Variants in PXN observed in about 807,000 individuals in gnomAD.
PXN encodes paxillin, also known as testicular tissue protein Li 134.
PXN carries 61 observed loss-of-function variants against 103.6 expected under a neutral mutation model. The ratio of observed to expected loss-of-function variants is 0.59; its 90% confidence interval spans 0.48 to 0.73. The LOEUF is 0.73. Among genes scored for constraint, PXN ranks in the 30% least tolerant of loss-of-function variants. The pLI, the probability that PXN is intolerant of heterozygous loss-of-function variation, is 0.00. For missense variants in PXN, 1,274 were observed against 1,460.3 expected, an observed-to-expected ratio of 0.87 and a Z score of 2.08; for synonymous variants, 562 against 607.8, an observed-to-expected ratio of 0.92 and a Z score of 1.11.
chr12:120,221,860 C>T lies in PXN; in HGVS notation c.696-102G>A, dbSNP rs967217613. ...CTCGGACACTGGGGTCTCACCATCC[C>T]CAACCCCAGGGAGGTCCACCAGCTC... On this transcript the variant is annotated intron_variant, in intron 5 of 14. Coordinates refer to ENST00000637617, the MANE Select transcript of PXN (RefSeq NM_001385981.1). This position sits in a 1 kb window ranked among gnomAD's most constrained non-coding sequence, Gnocchi z 6.6. 1.4e-6 allele frequency: 2 copies of T among 1,449,064 alleles called. No individual in the cohort carries two copies. Among genetic ancestry groups the T allele is most frequent in the African/African-American group, 2.8e-5 (2 of 71,206 alleles). The allele number at this position is 1,449,064 out of a possible 1,614,324, so 89.8% of individuals were successfully genotyped here. A position where few individuals can be genotyped will look rare whatever the true frequency, so the allele number is the denominator to read the frequency against.
At position 120,212,377 on chromosome 12, in the gene PXN, G is replaced by GC. The variant is rs1250028254; in HGVS notation, c.3182dup (p.Thr1062HisfsTer41). 1 of 1,613,900 alleles carries GC rather than the reference G, an allele frequency of 6.2e-7. No homozygotes were observed. Among genetic ancestry groups the GC allele is most frequent in the Admixed American group, 1.7e-5 (1 of 60,008 alleles). Reference sequence around the variant, plus strand: ...GCTTGTCGTTCTGCTCCTTGAAGGTGCCCTTGTTGAGCTGCTTGAGGCAGA... The same window carrying GC: ...GCTTGTCGTTCTGCTCCTTGAAGGTGCCCCTTGTTGAGCTGCTTGAGGCAGA... On this transcript the variant is annotated frameshift_variant, in exon 15 of 15. Coordinates refer to ENST00000637617, the MANE Select transcript of PXN (RefSeq NM_001385981.1). LOFTEE classifies it high-confidence loss of function. The surrounding 1 kb of genome is among the most constrained non-coding windows in gnomAD (Gnocchi z 7.2).
At chr12:120,255,141 A>T (rs1305435589) in intron 1 of PXN, among the ~76,000 whole-genome samples, 2 of 152,216 alleles carry the variant, frequency 1.3e-5, no homozygotes, top group Admixed American at 1.3e-4. Flanking sequence ...ACCAGCACAC[A>T]GGTTATAAAA....
intron 1 of PXN, among the ~76,000 whole-genome samples, chr12:120,250,931 C>T (rs919921256): frequency 2.0e-5 from 3 of 152,204 alleles, no homozygotes; most frequent in African/African-American, 7.2e-5. Context: ...GGGCCAGGTG[C>T]AATGGCTCAC....
chr12:120,261,211 T>C (rs991794183), intron 1 of PXN, among the ~76,000 whole-genome samples: 1 of 152,258 alleles, frequency 6.6e-6, no homozygotes, highest in Middle Eastern at 3.4e-3. Flanking sequence ...CTGTAAACAC[T>C]GTAAAAAAGA....
At chr12:120,250,416 T>C (rs1218188967) in intron 1 of PXN, among the ~76,000 whole-genome samples, 1 of 151,648 alleles carries the variant, frequency 6.6e-6, no homozygotes, top group African/African-American at 2.4e-5. Flanking sequence ...GAAAACCAAC[T>C]CTCCTTTTTT....
chr12:120,253,340 G>GCA (rs1170482152), intron 1 of PXN, among the ~76,000 whole-genome samples: 1 of 152,094 alleles, frequency 6.6e-6, no homozygotes, highest in Middle Eastern at 3.2e-3. Flanking sequence ...AGGCATGATG[G>GCA]CACACGCCTG....
rs1457316151 is a variant in PXN, at chr12:120,222,277, A to G, written c.695+272T>C. ...GCTGACAGTAACTGTCAGAGCCAAGATGTGAACCCCACTGTGTGGCCCCAA... is the reference window on the plus strand; with the variant it reads ...GCTGACAGTAACTGTCAGAGCCAAGGTGTGAACCCCACTGTGTGGCCCCAA... On this transcript the variant is annotated intron_variant, in intron 5 of 14. Transcript: ENST00000637617. This position sits in a 1 kb window ranked among gnomAD's most constrained non-coding sequence, Gnocchi z 4.7. 6.6e-6 allele frequency among the ~76,000 whole-genome samples: 1 copy of G among 152,238 alleles called. No homozygotes were observed. The highest frequency in any genetic ancestry group is 1.5e-5 in the Non-Finnish European group (1 of 68,030).
Position 120,211,345 on chromosome 12 carries a change from A to T in PXN, c.*969T>A, listed in dbSNP as rs895389704. ...ATAAAACAGTCCTGGTGAGCTATGAAGTGAAAGAGGGGGAGTCACAGAGCT... is the reference window on the plus strand; with the variant it reads ...ATAAAACAGTCCTGGTGAGCTATGATGTGAAAGAGGGGGAGTCACAGAGCT... On this transcript the variant is annotated 3_prime_UTR_variant, in exon 15 of 15. Transcript: ENST00000637617. 1 of 153,914 alleles carries T rather than the reference A, an allele frequency of 6.5e-6. No individual in the cohort carries two copies. The highest frequency in any genetic ancestry group is 2.4e-5 in the African/African-American group (1 of 41,458). The allele number at this position is 153,914 out of a possible 1,614,324, so 9.5% of individuals were successfully genotyped here. A position where few individuals can be genotyped will look rare whatever the true frequency, so the allele number is the denominator to read the frequency against.
intron 1 of PXN, among the ~76,000 whole-genome samples, chr12:120,255,495 A>T (rs538073065): frequency 6.6e-6 from 1 of 152,268 alleles, no homozygotes; most frequent in East Asian, 1.9e-4. Flanking sequence ...AGAGTTCAAG[A>T]CCAGCCTGGC....
chr12:120,242,954 G>C (rs1216587307), intron 1 of PXN, among the ~76,000 whole-genome samples: 1 of 151,354 alleles, frequency 6.6e-6, no homozygotes, highest in Non-Finnish European at 1.5e-5. Context: ...CTCAGCTATC[G>C]TAGCAAGGTC....
At chr12:120,251,803 C>A (rs1021408953) in intron 1 of PXN, among the ~76,000 whole-genome samples, 9 of 152,024 alleles carry the variant, frequency 5.9e-5, no homozygotes, top group African/African-American at 2.2e-4. Context: ...GGCAACAGAG[C>A]GAGACTTGGT....
At position 120,213,720 on chromosome 12, in the gene PXN, C is replaced by T. The variant is rs992007867; in HGVS notation, c.2979+122G>A. On this transcript the variant is annotated intron_variant, in intron 14 of 14. Coordinates refer to ENST00000637617, the MANE Select transcript of PXN (RefSeq NM_001385981.1). The surrounding 1 kb of genome is among the most constrained non-coding windows in gnomAD (Gnocchi z 4.2). ...CTGGAGGAAGGAGATCCCCTGCCTG[C>T]TCCCCCAATTAATAACCCCAAATGA... 8 of 1,347,252 alleles carry T rather than the reference C, an allele frequency of 5.9e-6. No homozygotes were observed. The highest frequency in any genetic ancestry group is 1.5e-5 in the African/African-American group (1 of 68,776). 83.5% of individuals were successfully genotyped at this position (1,347,252 alleles called of 1,614,324 possible). A position where few individuals can be genotyped will look rare whatever the true frequency, so the allele number is the denominator to read the frequency against.
chr12:120,215,756 G>T lies in PXN; in HGVS notation c.2302-95C>A. ...ACTGGACTAAAAGGGAATCTAGGAT[G>T]AGATCTGAGGGTTTCTCCCCCACCG... On this transcript the variant is annotated intron_variant, in intron 9 of 14. Transcript: ENST00000637617. This position sits in a 1 kb window ranked among gnomAD's most constrained non-coding sequence, Gnocchi z 4.9. 7.3e-7 allele frequency: 1 copy of T among 1,370,868 alleles called. No individual in the cohort carries two copies. The highest frequency in any genetic ancestry group is 9.6e-7 in the Non-Finnish European group (1 of 1,036,624). 84.9% of individuals were successfully genotyped at this position (1,370,868 alleles called of 1,614,324 possible). A position where few individuals can be genotyped will look rare whatever the true frequency, so the allele number is the denominator to read the frequency against.
intron 1 of PXN, among the ~76,000 whole-genome samples, chr12:120,238,946 C>T (rs886735400): frequency 3.3e-5 from 5 of 152,314 alleles, no homozygotes; most frequent in South Asian, 4.1e-4. Context: ...TGCTTCTGCC[C>T]CCTAACTACT....
rs1881114956 is a variant in PXN, at chr12:120,213,409, A to C, written c.2979+433T>G. On this transcript the variant is annotated intron_variant, in intron 14 of 14. Transcript: ENST00000637617. This position sits in a 1 kb window ranked among gnomAD's most constrained non-coding sequence, Gnocchi z 4.2. ...AAAGAAAAGAAAAGAAAAGGCTCTG[A>C]GAAGTCCTGCAGGGAACAGTGTTTC... 6.6e-6 allele frequency among the ~76,000 whole-genome samples: 1 copy of C among 152,242 alleles called. No individual in the cohort carries two copies. The highest frequency in any genetic ancestry group is 2.4e-5 in the African/African-American group (1 of 41,460).
Position 120,217,056 on chromosome 12 carries a change from G to A in PXN, c.1777C>T (p.Pro593Ser). 1 of 1,591,652 alleles carries A rather than the reference G, an allele frequency of 6.3e-7. No homozygotes were observed. The highest frequency in any genetic ancestry group is 1.1e-5 in the South Asian group (1 of 89,422). Reference protein sequence around the residue: ...SGHAHPMSREPSPRRRLDPAT... With the variant: ...SGHAHPMSRESSPRRRLDPAT... Reference sequence around the variant, plus strand: ...GGGTCCAGCCGGCGGCGAGGGGAGGGCTCCCGGGACATGGGGTGTGCGTGG... The same window carrying A: ...GGGTCCAGCCGGCGGCGAGGGGAGGACTCCCGGGACATGGGGTGTGCGTGG... Residue 593 changes from proline (P) to serine (S), a missense_variant, in exon 8 of 15, where the codon CCC becomes TCC. Physicochemically the swap from Pro to Ser is moderately conservative, Grantham distance 74. This residue lies in a region of PXN where 1,178 missense variants were observed against 1,309.0 expected (regional missense o/e 0.90). Transcript: ENST00000637617. The surrounding 1 kb of genome is among the most constrained non-coding windows in gnomAD (Gnocchi z 4.1).
In PXN at chr12:120,219,592, A is replaced by C. The variant is rs1249950798; in HGVS notation, c.1331T>G (p.Phe444Cys). ...TWEQPWASEV[F>C]GPERMPPSGA... ...AGAGGGGGGCATTCTCTCAGGCCCG[A>C]ATACCTCCGAAGCCCATGGCTGCTC... Residue 444 changes from phenylalanine to cysteine, a missense_variant, in exon 7 of 15, where the codon TTC becomes TGC. Physicochemically the swap from Phe to Cys is radical, Grantham distance 205. Transcript: ENST00000637617. The surrounding 1 kb of genome is among the most constrained non-coding windows in gnomAD (Gnocchi z 6.5). 2 of 1,565,664 alleles carry C rather than the reference A, an allele frequency of 1.3e-6. No homozygotes were observed. Among genetic ancestry groups the C allele is most frequent in the Non-Finnish European group, 1.7e-6 (2 of 1,163,236 alleles).
intron 1 of PXN, among the ~76,000 whole-genome samples, chr12:120,254,464 T>C (rs1232174131): frequency 6.6e-6 from 1 of 152,254 alleles, no homozygotes; most frequent in African/African-American, 2.4e-5. Context: ...TGCTTCACTT[T>C]AGCAACCACC....
chr12:120,237,343 G>T (rs1158217949), intron 1 of PXN, among the ~76,000 whole-genome samples: 1 of 152,046 alleles, frequency 6.6e-6, no homozygotes, highest in Middle Eastern at 3.2e-3. Context: ...ATTTTTAGTA[G>T]AGATAGGGTT....
Sources: allele counts gnomAD v4.1 joint callset (sites outside exome capture counted in the v4.1 genomes callset), GRCh38; gene constraint gnomAD v4.1.1; regional missense constraint gnomAD v4.1.1; non-coding constraint Gnocchi (gnomAD v3.1); transcripts MANE v1.5; gene names NCBI Gene and HGNC (gene_info 2026-07-23, HGNC 2026-07-21).